Variants in TRIM24 observed in about 807,000 individuals in gnomAD.
TRIM24 encodes transcription intermediary factor 1-alpha.
Under a neutral mutation model 123.9 loss-of-function variants are expected in TRIM24, and 29 were observed. The ratio of observed to expected loss-of-function variants is 0.23; its 90% CI spans 0.17 to 0.32. The LOEUF is 0.32. Ranked by LOEUF, TRIM24 falls within the 10% of genes least tolerant of loss-of-function variation. TRIM24 has a pLI of 1.00. For synonymous variants in TRIM24, 456 were observed against 461.1 expected (o/e 0.99, Z 0.14); for missense variants, 932 against 1,295.3 (o/e 0.72, Z 4.31).
In TRIM24 at chr7:138,508,692, T is replaced by TGTGTGTGTGCGCGCGCGC. The variant is rs1422176564; in HGVS notation, c.483+4285_483+4286insTGTGTGTGCGCGCGCGCG. Among the ~76,000 whole-genome samples, 52 of 137,268 alleles carry TGTGTGTGTGCGCGCGCGC rather than the reference T, an allele frequency of 3.8e-4. 1 individual carries two copies. The South Asian group carries it at 4.6e-3, about 12-fold the overall frequency. 90.1% of individuals were successfully genotyped at this position (137,268 alleles called of 152,430 possible). ...GTGTGTGTGTGTGTGTGTGTGTGTG[T>TGTGTGTGTGCGCGCGCGC]GCGCGCGCGTGTGTGCGTGTGTGTG... is the stretch of plus-strand genomic sequence containing the variant. On this transcript the variant is annotated intron_variant, in intron 2 of 18. Coordinates refer to ENST00000343526, the MANE Select transcript of TRIM24 (RefSeq NM_015905.3).
In TRIM24 at chr7:138,581,680, T is replaced by C; in HGVS notation, c.2719-17T>C. The C allele has an allele frequency of 6.3e-7, 1 of 1,593,884 alleles. No individual in the cohort carries two copies. ...TTTTATAATATTTTATCTCAGTTTT[T>C]ATTTATTTTTGCTTAGAAGTGTGAG... On this transcript the variant is annotated splice_polypyrimidine_tract_variant and intron_variant, in intron 16 of 18. Transcript: ENST00000343526.
chr7:138,544,592 G>A (rs1032418285), intron 7 of TRIM24, among the ~76,000 whole-genome samples: 11 of 152,140 alleles, frequency 7.2e-5, no homozygotes, highest in Non-Finnish European at 1.2e-4. Context: ...CCTCCATATC[G>A]TTATCCGTAG....
At position 138,538,734 on chromosome 7, in the gene TRIM24, T is replaced by C. The variant is rs1313299540; in HGVS notation, c.1074T>C (p.His358=). ...CTGGACTCTCTAAACAATTGGAGCA[T>C]GTCATGCATTTTTCTAAATGGGCAG... ...EVAGLSKQLE[H]VMHFSKWAVS... The change falls in exon 7 of 19, where the codon CAT becomes CAC. Residue 358 remains histidine (H), a synonymous_variant. Transcript: ENST00000343526. 6.2e-7 allele frequency: 1 copy of C among 1,614,114 alleles called. No homozygotes were observed. Among genetic ancestry groups the C allele is most frequent in the Admixed American group, 1.7e-5 (1 of 60,020 alleles).
intron 5 of TRIM24, among the ~76,000 whole-genome samples, chr7:138,527,462 G>T (rs1796633824): frequency 6.6e-6 from 1 of 152,056 alleles, no homozygotes; most frequent in African/African-American, 2.4e-5. Flanking sequence ...TGACCCCATG[G>T]CACTGTTTTT....
At chr7:138,578,559 T>TGC (rs879568950) in intron 14 of TRIM24, among the ~76,000 whole-genome samples, 1,183 of 96,044 alleles carry the variant, frequency 0.012, 24 homozygotes, top group Admixed American at 0.079. Context: ...TGTGTGTGTG[T>TGC]GTGTGCGCGC....
intron 6 of TRIM24, among the ~76,000 whole-genome samples, chr7:138,536,650 T>C (rs1458620906): frequency 6.6e-6 from 1 of 152,216 alleles, no homozygotes; most frequent in Non-Finnish European, 1.5e-5. Context: ...CCAATTAGGC[T>C]ACTTGGGGGT....
chr7:138,463,129 A>T (rs1016076950), intron 1 of TRIM24, among the ~76,000 whole-genome samples: 1 of 130,944 alleles, frequency 7.6e-6, no homozygotes, highest in African/African-American at 3.0e-5. Context: ...ACCTCAGGTG[A>T]TCCGCCCACC....
intron 14 of TRIM24, among the ~76,000 whole-genome samples, chr7:138,577,829 G>A (rs1797794207): frequency 6.6e-6 from 1 of 152,176 alleles, no homozygotes; most frequent in Non-Finnish European, 1.5e-5. Context: ...TCTTTAATCA[G>A]AGTTTTATAC....
At chr7:138,566,972 A>T (rs1259644504) in intron 9 of TRIM24, among the ~76,000 whole-genome samples, 1 of 152,224 alleles carries the variant, frequency 6.6e-6, no homozygotes, top group Admixed American at 6.5e-5. Flanking sequence ...TTTCTTATCT[A>T]TAAAATAGAA....
intron 9 of TRIM24, among the ~76,000 whole-genome samples, chr7:138,562,307 G>T (rs978005111): frequency 6.6e-6 from 1 of 152,094 alleles, no homozygotes; most frequent in Non-Finnish European, 1.5e-5. Flanking sequence ...TCTCAAAATG[G>T]GCTAATTGGT....
intron 10 of TRIM24, 56 bp from the exon 11 acceptor site, chr7:138,570,774 T>TGTTGTATTTTA: frequency 6.4e-7 from 1 of 1,566,594 alleles, no homozygotes; most frequent in Non-Finnish European, 8.7e-7. Context: ...ATTACATAGA[T>TGTTGTATTTTA]GTTGTATTTT....
intron 2 of TRIM24, among the ~76,000 whole-genome samples, chr7:138,511,222 A>G (rs913682524): frequency 3.3e-5 from 5 of 152,012 alleles, no homozygotes; most frequent in African/African-American, 1.2e-4. Flanking sequence ...TGGAAGGTGA[A>G]GGGGCAGCAG....
intron 1 of TRIM24, among the ~76,000 whole-genome samples, chr7:138,474,122 C>A (rs1048040990): frequency 1.4e-5 from 1 of 71,486 alleles, no homozygotes; most frequent in African/African-American, 6.5e-5. Context: ...TTATCTTGTA[C>A]TTTTTCTTTT....
intron 1 of TRIM24, among the ~76,000 whole-genome samples, chr7:138,466,727 T>C (rs1412005108): frequency 1.3e-5 from 2 of 152,174 alleles, no homozygotes; most frequent in Admixed American, 1.3e-4. Context: ...CAGATACATG[T>C]ATTGCAGGTA....
At chr7:138,521,592 A>T (rs566280317) in intron 4 of TRIM24, among the ~76,000 whole-genome samples, 1 of 152,366 alleles carries the variant, frequency 6.6e-6, no homozygotes, top group East Asian at 1.9e-4. Context: ...AAGTTGGTAG[A>T]TCTACAAATA....
At chr7:138,487,499 A>G (rs992775817) in intron 1 of TRIM24, among the ~76,000 whole-genome samples, 4 of 152,272 alleles carry the variant, frequency 2.6e-5, no homozygotes, top group South Asian at 2.1e-4. Flanking sequence ...AATAGCTCTT[A>G]TTATTTTGAG....
In TRIM24 at chr7:138,501,447, T is replaced by G. The variant is rs1198410419; in HGVS notation, c.365-2843T>G. On this transcript the variant is annotated intron_variant, in intron 1 of 18. Transcript: ENST00000343526. The stretch of plus-strand genomic sequence containing the variant: ...GGTTTCCCCATATTGACCAGGCTGG[T>G]CTTGAACTCCTGACCTCAAGTGATC... Among the ~76,000 whole-genome samples the G allele has an allele frequency of 2.0e-5, 3 of 151,914 alleles. No individual in the cohort carries two copies. In the East Asian group the frequency reaches 5.9e-4, roughly 30 times the overall value.
At chr7:138,508,700 C>CGCGCGTGT (rs1182276337) in intron 2 of TRIM24, among the ~76,000 whole-genome samples, 2 of 35,508 alleles carry the variant, frequency 5.6e-5, no homozygotes, top group South Asian at 9.6e-4. Context: ...TGTGCGCGCG[C>CGCGCGTGT]GTGTGTGCGT....
At chr7:138,531,093 T>A (rs566959408) in intron 6 of TRIM24, among the ~76,000 whole-genome samples, 1 of 151,810 alleles carries the variant, frequency 6.6e-6, no homozygotes, top group African/African-American at 2.4e-5. Context: ...AAGCTGGGAC[T>A]ACAGGGCGTG....
Sources: allele counts gnomAD v4.1 joint callset (sites outside exome capture counted in the v4.1 genomes callset), GRCh38; gene constraint gnomAD v4.1.1; transcripts MANE v1.5; gene names NCBI Gene and HGNC (gene_info 2026-07-23, HGNC 2026-07-21).